YAE1: variants seen among roughly 807,000 people sequenced by gnomAD.
The protein encoded by YAE1 is protein YAE1 homolog.
YAE1 carries 22 observed loss-of-function variants against 23.0 expected under a neutral mutation model. The ratio of observed to expected loss-of-function variants is 0.96; its 90% CI spans 0.68 to 1.37. YAE1 has a LOEUF of 1.37. Among genes scored for constraint, YAE1 ranks in the 40% most tolerant of loss-of-function variants. The pLI, the probability that YAE1 is intolerant of heterozygous loss-of-function variation, is 0.00. For missense variants in YAE1, 260 were observed against 262.1 expected (o/e 0.99, Z 0.06); for synonymous variants, 101 against 97.0 (o/e 1.04, Z -0.24).
chr7:39,609,773 C>T, exon 3 of YAE1: 1 of 1,533,310 alleles, frequency 6.5e-7, no homozygotes, highest in Non-Finnish European at 8.7e-7. Context: ...CGCTGCTGAG[C>T]CTGGTTCCCC....
intron 2 of YAE1, among the ~76,000 whole-genome samples, chr7:39,608,493 CAAAG>C (rs1294133199): frequency 6.6e-6 from 1 of 152,070 alleles, no homozygotes; most frequent in Non-Finnish European, 1.5e-5. Flanking sequence ...GGGTAGAAAA[CAAAG>C]AGAGGAAGAG....
chr7:39,602,858 C>G (rs544922017), intron 2 of YAE1, among the ~76,000 whole-genome samples: 1 of 152,152 alleles, frequency 6.6e-6, no homozygotes, highest in South Asian at 2.1e-4. Flanking sequence ...AAGCAATTCT[C>G]GTGCCTCGAT....
downstream of YAE1, among the ~76,000 whole-genome samples, chr7:39,576,243 C>T (rs932316260): frequency 6.6e-6 from 1 of 152,156 alleles, no homozygotes; most frequent in Non-Finnish European, 1.5e-5. Context: ...ATTTATGTAC[C>T]AGCCTCATCA....
At chr7:39,605,094 T>C (rs951532021) in intron 2 of YAE1, among the ~76,000 whole-genome samples, 5 of 152,186 alleles carry the variant, frequency 3.3e-5, no homozygotes, top group Non-Finnish European at 5.9e-5. Flanking sequence ...TCATAAAATA[T>C]TGATTTCCCC....
intron 2 of YAE1, among the ~76,000 whole-genome samples, chr7:39,584,787 G>A (rs1011580189): frequency 4.6e-5 from 7 of 152,208 alleles, no homozygotes; most frequent in African/African-American, 1.7e-4. Context: ...GGGAGGCCGG[G>A]TTGGGAGGAT....
rs1156356601 is a variant in YAE1 at position 39,572,553 on chromosome 7, T to G, written c.528T>G (p.Ser176Arg). 1 of 1,614,156 alleles carries G rather than the reference T, an allele frequency of 6.2e-7. No homozygotes were observed. Among genetic ancestry groups the G allele is most frequent in the Non-Finnish European group, 8.5e-7 (1 of 1,179,986 alleles). ...EFNKNCSKSH[S>R]GIDCSYVECC... ...ACAAAAACTGTAGCAAGAGCCATAGTGGGATAGATTGTTCATATGTAGAAT... is the reference window on the plus strand; with the variant it reads ...ACAAAAACTGTAGCAAGAGCCATAGGGGGATAGATTGTTCATATGTAGAAT... Residue 176 changes from serine (S) to arginine (R), a missense_variant, in exon 3 of 3, where the codon AGT becomes AGG. Coordinates refer to ENST00000223273, the MANE Select transcript of YAE1 (RefSeq NM_020192.5).
intron 2 of YAE1, among the ~76,000 whole-genome samples, chr7:39,579,062 G>A (rs899339462): frequency 6.6e-6 from 1 of 152,186 alleles, no homozygotes; most frequent in African/African-American, 2.4e-5. Context: ...ATAACAGTAA[G>A]GAGCTGGAGG....
chr7:39,598,420 T>C (rs1439006175), intron 2 of YAE1, among the ~76,000 whole-genome samples: 1 of 151,710 alleles, frequency 6.6e-6, no homozygotes, highest in Non-Finnish European at 1.5e-5. Flanking sequence ...AAGTTTTTTT[T>C]TTTTTTTTTA....
At position 39,590,426 on chromosome 7, in the gene YAE1, A is replaced by G. The variant is rs533277161; in HGVS notation, c.252-19191A>G. Among the ~76,000 whole-genome samples the G allele has an allele frequency of 5.3e-5, 8 of 152,316 alleles. No homozygotes were observed. The East Asian group carries it at 1.2e-3, about 22-fold the overall frequency. ...AAAGTGGCAATATGATCCCTATTTTACAGATAAAGAGCTAAGAGGATAAAC... is the reference window on the plus strand; with the variant it reads ...AAAGTGGCAATATGATCCCTATTTTGCAGATAAAGAGCTAAGAGGATAAAC... On this transcript the variant is annotated intron_variant, in intron 2 of 2. Coordinates refer to the YAE1 transcript ENST00000432096.
chr7:39,580,300 A>G (rs536679851), intron 2 of YAE1, among the ~76,000 whole-genome samples: 2 of 152,290 alleles, frequency 1.3e-5, no homozygotes, highest in South Asian at 2.1e-4. Context: ...ACATATTCCT[A>G]TTCAACTGAA....
intron 2 of YAE1, among the ~76,000 whole-genome samples, chr7:39,582,397 T>C (rs1790759242): frequency 6.6e-6 from 1 of 152,220 alleles, no homozygotes; most frequent in South Asian, 2.1e-4. Flanking sequence ...ATCAGCTGTT[T>C]AGAAATGACT....
At chr7:39,570,699 AGT>A in intron 2 of YAE1, 72 bp downstream of exon 2, 12 of 1,508,590 alleles carry the variant, frequency 8.0e-6, no homozygotes, top group Non-Finnish European at 1.1e-5. Context: ...GTATAAATAA[AGT>A]GTTTAAACTG....
At chr7:39,583,502 G>A (rs1255082307) in intron 2 of YAE1, among the ~76,000 whole-genome samples, 6 of 152,192 alleles carry the variant, frequency 3.9e-5, no homozygotes, top group Admixed American at 2.0e-4. Context: ...AAAATTCTAT[G>A]AGAAGTGACT....
chr7:39,568,841 G>A lies in YAE1; in HGVS notation c.130-1665G>A, dbSNP rs79175177. 6.2e-3 allele frequency among the ~76,000 whole-genome samples: 944 copies of A among 152,236 alleles called. 32 individuals carry two copies. In the East Asian group the frequency reaches 0.093, roughly 15 times the overall value. On this transcript the variant is annotated intron_variant, in intron 1 of 2. Transcript: ENST00000223273. ...GTGTAGAAAACTGCAACTAATTAAT[G>A]TAAGGTAGTTTTTATTAGTTGCATA...
intron 2 of YAE1, among the ~76,000 whole-genome samples, chr7:39,584,883 A>G (rs1334397258): frequency 1.3e-5 from 2 of 152,168 alleles, no homozygotes; most frequent in Admixed American, 6.5e-5. Context: ...TGCAATTTAT[A>G]TAGCATTTTC....
At chr7:39,593,173 A>ATTTGTTTTT (rs1790924411) in intron 2 of YAE1, among the ~76,000 whole-genome samples, 1 of 40,064 alleles carries the variant, frequency 2.5e-5, no homozygotes, top group Non-Finnish European at 4.9e-5. Context: ...CCATTTGGTT[A>ATTTGTTTTT]TTTCTTTTTT....
chr7:39,593,404 C>T (rs775850397), intron 2 of YAE1, among the ~76,000 whole-genome samples: 2 of 151,888 alleles, frequency 1.3e-5, no homozygotes, highest in Non-Finnish European at 1.5e-5. Context: ...AGTGCCACCA[C>T]GCCCAGCTAA....
chr7:39,586,726 T>G (rs1790823075), intron 2 of YAE1, among the ~76,000 whole-genome samples: 1 of 152,112 alleles, frequency 6.6e-6, no homozygotes, highest in Non-Finnish European at 1.5e-5. Context: ...CTCCATCTCC[T>G]GACCTCGTGA....
downstream of YAE1, among the ~76,000 whole-genome samples, chr7:39,575,744 C>A (rs1790649183): frequency 6.6e-6 from 1 of 152,122 alleles, no homozygotes; most frequent in African/African-American, 2.4e-5. Context: ...ACGAGTCTGC[C>A]ATCACTGTCT....
Sources: allele counts gnomAD v4.1 joint callset (sites outside exome capture counted in the v4.1 genomes callset), GRCh38; gene constraint gnomAD v4.1.1; transcripts MANE v1.5; gene names NCBI Gene and HGNC (gene_info 2026-07-23, HGNC 2026-07-21).